Variants in EPB41L4B observed in about 807,000 individuals in gnomAD.
EPB41L4B encodes the protein band 4.1-like protein 4B.
EPB41L4B carries 30 observed loss-of-function variants against 112.5 expected under a neutral mutation model. That is an observed-to-expected ratio of 0.27 (90% CI 0.20 to 0.36). The LOEUF (loss-of-function observed/expected upper bound fraction) is 0.36. EPB41L4B is among the 10% of genes least tolerant of loss of function. EPB41L4B has a pLI of 1.00. For missense variants in EPB41L4B, 1,024 were observed against 1,133.3 expected (o/e 0.90, Z 1.38); for synonymous variants, 408 against 439.7 (o/e 0.93, Z 0.90).
At chr9:109,209,913 G>A (rs1833105163) in intron 17 of EPB41L4B, among the ~76,000 whole-genome samples, 1 of 152,206 alleles carries the variant, frequency 6.6e-6, no homozygotes, top group East Asian at 1.9e-4. Context: ...GCCAGAAATG[G>A]TGATGTTGGT....
chr9:109,279,746 T>C, intron 2 of EPB41L4B, 71 bp downstream of exon 2: 4 of 1,304,144 alleles, frequency 3.1e-6, no homozygotes, highest in Non-Finnish European at 3.3e-6. Flanking sequence ...TACCCATTTC[T>C]AGCAACTGTG....
At chr9:109,295,189 AC>A (rs1166419581) in intron 1 of EPB41L4B, among the ~76,000 whole-genome samples, 3 of 152,158 alleles carry the variant, frequency 2.0e-5, no homozygotes, top group Admixed American at 6.5e-5. Flanking sequence ...GCACTCCTGG[AC>A]TTTGTGCCTA....
At chr9:109,272,604 C>T (rs1835664962) in intron 2 of EPB41L4B, among the ~76,000 whole-genome samples, 2 of 152,086 alleles carry the variant, frequency 1.3e-5, no homozygotes, top group South Asian at 4.2e-4. Context: ...AATACAAAAA[C>T]TAGCCAGGTG....
At chr9:109,279,498 C>T (rs373924593) in intron 2 of EPB41L4B, among the ~76,000 whole-genome samples, 12 of 152,238 alleles carry the variant, frequency 7.9e-5, no homozygotes, top group South Asian at 4.1e-4. Context: ...ATTACAGGCA[C>T]GAGCCACTGC....
At chr9:109,205,478 T>C (rs1832964978) in intron 18 of EPB41L4B, among the ~76,000 whole-genome samples, 1 of 152,260 alleles carries the variant, frequency 6.6e-6, no homozygotes, top group South Asian at 2.1e-4. Flanking sequence ...TACAGCTTTG[T>C]AAATTGCAAA....
At chr9:109,282,961 C>T (rs1283117695) in intron 1 of EPB41L4B, among the ~76,000 whole-genome samples, 4 of 152,048 alleles carry the variant, frequency 2.6e-5, no homozygotes, top group African/African-American at 7.2e-5. Context: ...GGATTACAGG[C>T]GTGAGCCACC....
At chr9:109,258,080 C>T in intron 7 of EPB41L4B, 97 bp downstream of exon 7, 1 of 1,393,984 alleles carries the variant, frequency 7.2e-7, no homozygotes, top group Non-Finnish European at 9.8e-7. Flanking sequence ...TTATGGCCAT[C>T]AACAGAACAA....
chr9:109,253,105 T>C (rs541823862), intron 12 of EPB41L4B, among the ~76,000 whole-genome samples: 2 of 152,302 alleles, frequency 1.3e-5, no homozygotes, highest in East Asian at 1.9e-4. Context: ...ATGATGGAGA[T>C]ACAGTATCTT....
intron 1 of EPB41L4B, among the ~76,000 whole-genome samples, chr9:109,294,221 C>T (rs968265572): frequency 2.0e-5 from 3 of 150,370 alleles, no homozygotes; most frequent in South Asian, 2.1e-4. Flanking sequence ...AGGAGAATGG[C>T]GTGAACTCAG....
chr9:109,194,238 C>T lies in EPB41L4B; in HGVS notation c.2205G>A (p.Leu735=). The change falls in exon 21 of 26, where the codon CTG becomes CTA. Residue 735 remains leucine (L), a synonymous_variant. Transcript: ENST00000374566. ...SSPHKSEGKG[L]LSPGAKSPSD... is the part of the protein sequence containing the mutation. ...CCAATACCTTGGCCCCAGGGGACAG[C>T]AGGCCTTTGCCTTCTGACTTGTGAG... is the stretch of plus-strand genomic sequence containing the variant. The T allele has an allele frequency of 6.2e-7, 1 of 1,614,186 alleles. No individual in the cohort carries two copies. The highest frequency in any genetic ancestry group is 8.5e-7 in the Non-Finnish European group (1 of 1,180,002).
chr9:109,179,973 A>G (rs1274616851), intron 24 of EPB41L4B, among the ~76,000 whole-genome samples: 2 of 152,054 alleles, frequency 1.3e-5, no homozygotes, highest in Non-Finnish European at 2.9e-5. Context: ...GCCCTGCTCA[A>G]AGTCCCTCAA....
intron 1 of EPB41L4B, 120 bp downstream of exon 1, chr9:109,320,021 A>G (rs1424241956): frequency 2.5e-6 from 2 of 787,510 alleles, no homozygotes; most frequent in Non-Finnish European, 3.5e-6. Context: ...GGAGAAGAGG[A>G]TGGGGGAGGG....
At chr9:109,175,393 G>C (rs1304815875) in intron 25 of EPB41L4B, among the ~76,000 whole-genome samples, 1 of 151,374 alleles carries the variant, frequency 6.6e-6, no homozygotes, top group Admixed American at 6.6e-5. Flanking sequence ...AAAATTGGCT[G>C]TTTTGAGAAG....
intron 1 of EPB41L4B, 89 bp downstream of exon 1, chr9:109,320,052 G>A: frequency 6.9e-6 from 8 of 1,165,762 alleles, no homozygotes; most frequent in Non-Finnish European, 8.9e-6. Context: ...GAGGTGCAAG[G>A]GAAGCGCCCC....
intron 4 of EPB41L4B, 52 bp from the exon 5 acceptor site, chr9:109,265,076 C>T: frequency 6.6e-7 from 1 of 1,512,946 alleles, no homozygotes; most frequent in Non-Finnish European, 9.0e-7. Flanking sequence ...CCAGCTGCTC[C>T]CAATCCCCAG....
chr9:109,251,814 T>C (rs919625484), intron 12 of EPB41L4B, among the ~76,000 whole-genome samples: 1 of 152,018 alleles, frequency 6.6e-6, no homozygotes, highest in African/African-American at 2.4e-5. Flanking sequence ...GAAAGGCAGA[T>C]ACAGAGAAGT....
At chr9:109,201,538 T>C (rs1832833245) in intron 19 of EPB41L4B, among the ~76,000 whole-genome samples, 1 of 151,760 alleles carries the variant, frequency 6.6e-6, no homozygotes, top group Admixed American at 6.6e-5. Flanking sequence ...TCTATACTCA[T>C]GGTTTCCTCA....
At chr9:109,202,714 A>G (rs1473831896) in intron 19 of EPB41L4B, among the ~76,000 whole-genome samples, 1 of 152,184 alleles carries the variant, frequency 6.6e-6, no homozygotes, top group African/African-American at 2.4e-5. Context: ...GAACATGTGT[A>G]GGGGATGGGA....
At chr9:109,314,991 G>A (rs1001100191) in intron 1 of EPB41L4B, among the ~76,000 whole-genome samples, 10 of 152,076 alleles carry the variant, frequency 6.6e-5, no homozygotes, top group Admixed American at 2.0e-4. Flanking sequence ...CTCCACCTGT[G>A]AGCTGCTCTA....
Sources: gnomAD v4.1 joint callset for allele counts (sites outside exome capture counted in the v4.1 genomes callset) on GRCh38, gnomAD v4.1.1 for gene constraint, MANE v1.5 for transcripts, NCBI Gene and HGNC (gene_info 2026-07-23, HGNC 2026-07-21) for gene names.